Variants in PTPRD observed in about 807,000 individuals in gnomAD.
PTPRD encodes receptor-type tyrosine-protein phosphatase delta.
Under a neutral mutation model 214.5 loss-of-function variants are expected in PTPRD, and 34 were observed. The observed-to-expected ratio is 0.16, with a 90% confidence interval of 0.12 to 0.21. The LOEUF is 0.21. Ranked by LOEUF, PTPRD falls within the 10% of genes least tolerant of loss-of-function variation. PTPRD has a pLI of 1.00. For synonymous variants in PTPRD, 1,128 were observed against 845.7 expected (o/e 1.33, Z -5.79); for missense variants, 2,545 against 2,398.7 (o/e 1.06, Z -1.27).
chr9:10,205,795 T>C (rs1038018135), intron 3 of PTPRD, among the ~76,000 whole-genome samples: 1 of 152,204 alleles, frequency 6.6e-6, no homozygotes, highest in South Asian at 2.1e-4. Context: ...TCAACTATTT[T>C]ATAATAATTT....
intron 11 of PTPRD, among the ~76,000 whole-genome samples, chr9:8,815,005 A>G (rs2096891232): frequency 6.6e-6 from 1 of 152,208 alleles, no homozygotes; most frequent in African/African-American, 2.4e-5. Context: ...GCTGTTCTCA[A>G]CTATAGCCAA....
Position 8,875,101 on chromosome 9 carries a change from C to T in PTPRD, c.-103-141155G>A, listed in dbSNP as rs7848766. The stretch of plus-strand genomic sequence containing the variant: ...TTTATAAAATGGAGATAAAACTAAT[C>T]CCCCTTTAAAGTTTTGGGGATGATT... On this transcript the variant is annotated intron_variant, in intron 11 of 45. Coordinates refer to ENST00000381196, the MANE Select transcript of PTPRD (RefSeq NM_002839.4). Among the ~76,000 whole-genome samples the T allele has an allele frequency of 4.2e-3, 633 of 152,250 alleles. 6 individuals are homozygous for T. Among genetic ancestry groups the T allele is most frequent in the African/African-American group, 0.014 (592 of 41,548 alleles).
intron 3 of PTPRD, among the ~76,000 whole-genome samples, chr9:10,128,936 A>G (rs2098839035): frequency 6.6e-6 from 1 of 152,216 alleles, no homozygotes. Flanking sequence ...TTAGAGTGTC[A>G]TCATGGCTAC....
intron 9 of PTPRD, among the ~76,000 whole-genome samples, chr9:9,240,296 G>A (rs4074306): frequency 1.3e-5 from 2 of 152,052 alleles, no homozygotes; most frequent in African/African-American, 4.8e-5. Context: ...ACTAGTCATT[G>A]GTTTAAACTA....
chr9:8,335,747 T>G (rs895648015), intron 43 of PTPRD, among the ~76,000 whole-genome samples: 1 of 152,186 alleles, frequency 6.6e-6, no homozygotes, highest in African/African-American at 2.4e-5. Context: ...GAAGACCCCA[T>G]TGTCTCAGCC....
At chr9:9,194,136 G>C (rs1288228576) in intron 9 of PTPRD, among the ~76,000 whole-genome samples, 2 of 152,018 alleles carry the variant, frequency 1.3e-5, no homozygotes, top group Admixed American at 6.6e-5. Context: ...AGGATCATCA[G>C]TATCACTGTC....
chr9:10,083,690 G>A (rs1375562750), intron 3 of PTPRD, among the ~76,000 whole-genome samples: 1 of 151,966 alleles, frequency 6.6e-6, no homozygotes, highest in African/African-American at 2.4e-5. Flanking sequence ...CACCAGAGAT[G>A]AGCTTTGTGG....
chr9:9,712,094 C>T (rs543394875), intron 7 of PTPRD, among the ~76,000 whole-genome samples: 3 of 151,998 alleles, frequency 2.0e-5, no homozygotes, highest in East Asian at 1.9e-4. Flanking sequence ...TTTTAACCTG[C>T]GGAATTTAAT....
chr9:8,385,621 A>G (rs1037831837), intron 37 of PTPRD, among the ~76,000 whole-genome samples: 2 of 152,178 alleles, frequency 1.3e-5, no homozygotes, highest in Non-Finnish European at 2.9e-5. Flanking sequence ...AAATAACCAA[A>G]AAAGGGGAGA....
At chr9:8,990,718 G>A (rs1026404924) in intron 11 of PTPRD, among the ~76,000 whole-genome samples, 1 of 152,118 alleles carries the variant, frequency 6.6e-6, no homozygotes, top group Non-Finnish European at 1.5e-5. Context: ...TACCTTGTTT[G>A]ATAGTAGTCA....
At chr9:9,703,086 T>C (rs79727272) in intron 7 of PTPRD, among the ~76,000 whole-genome samples, 2,214 of 152,186 alleles carry the variant, frequency 0.015, 22 homozygotes, top group Middle Eastern at 0.02. Context: ...TAAGAGGTGA[T>C]TGGATGGTGG....
intron 2 of PTPRD, among the ~76,000 whole-genome samples, chr9:10,559,080 A>G (rs543706967): frequency 6.6e-6 from 1 of 152,266 alleles, no homozygotes; most frequent in African/African-American, 2.4e-5. Context: ...GTAAAAACAA[A>G]TGTAATATGA....
intron 5 of PTPRD, among the ~76,000 whole-genome samples, chr9:9,887,743 T>C (rs2071514649): frequency 6.6e-6 from 1 of 152,056 alleles, no homozygotes; most frequent in South Asian, 2.1e-4. Context: ...GAAAGCTAAA[T>C]ATACTTTTCA....
intron 3 of PTPRD, among the ~76,000 whole-genome samples, chr9:10,197,843 G>T (rs1302662868): frequency 6.6e-6 from 1 of 152,056 alleles, no homozygotes; most frequent in Non-Finnish European, 1.5e-5. Flanking sequence ...AGTAAGTAGA[G>T]CAAGAACAAG....
chr9:8,458,368 G>A (rs1300475226), intron 33 of PTPRD, among the ~76,000 whole-genome samples: 2 of 151,856 alleles, frequency 1.3e-5, no homozygotes, highest in Admixed American at 6.6e-5. Flanking sequence ...TCTGTTGCTT[G>A]GTATGATTTA....
chr9:9,947,479 ATTTT>A (rs2092835634), intron 4 of PTPRD, among the ~76,000 whole-genome samples: 7 of 26,314 alleles, frequency 2.7e-4, no homozygotes, highest in African/African-American at 9.4e-4. Flanking sequence ...TATTATATAT[ATTTT>A]ATATATATTA....
chr9:9,599,904 A>G (rs966541355), intron 7 of PTPRD, among the ~76,000 whole-genome samples: 1 of 152,104 alleles, frequency 6.6e-6, no homozygotes, highest in Non-Finnish European at 1.5e-5. Flanking sequence ...TAAGGATATT[A>G]AAGATCAATA....
At chr9:8,971,582 T>A (rs2099238671) in intron 11 of PTPRD, among the ~76,000 whole-genome samples, 1 of 151,752 alleles carries the variant, frequency 6.6e-6, no homozygotes, top group Non-Finnish European at 1.5e-5. Flanking sequence ...TCAATGAACA[T>A]GATCTATAAT....
At chr9:9,244,818 G>A (rs1569565556) in intron 9 of PTPRD, among the ~76,000 whole-genome samples, 1 of 152,094 alleles carries the variant, frequency 6.6e-6, no homozygotes, top group Non-Finnish European at 1.5e-5. Flanking sequence ...CTTCTGCACA[G>A]CAAAAGAAAC....
Sources: allele counts gnomAD v4.1 joint callset (sites outside exome capture counted in the v4.1 genomes callset), GRCh38; gene constraint gnomAD v4.1.1; transcripts MANE v1.5; gene names NCBI Gene and HGNC (gene_info 2026-07-23, HGNC 2026-07-21).